Variants in DISP1 observed in about 807,000 individuals in gnomAD.
DISP1 encodes the protein dispatched RND transporter family member 1.
In DISP1, 30 loss-of-function variants were observed where a neutral mutation model predicts 37.3. The ratio of observed to expected loss-of-function variants is 0.80; its 90% CI spans 0.60 to 1.09. The LOEUF (loss-of-function observed/expected upper bound fraction) is 1.09. DISP1 is among the 50% of genes least tolerant of loss of function. The pLI is 0.00. For synonymous variants in DISP1, 634 were observed against 690.2 expected (o/e 0.92, Z 1.28); for missense variants, 1,598 against 1,879.5 (o/e 0.85, Z 2.77).
chr1:222,980,080 G>A (rs1322541890), intron 3 of DISP1, among the ~76,000 whole-genome samples: 1 of 152,158 alleles, frequency 6.6e-6, no homozygotes, highest in Admixed American at 6.5e-5. Context: ...ATTTAGTTGT[G>A]TATTGTAGTC....
At chr1:222,951,483 T>C (rs1675219744) in intron 3 of DISP1, among the ~76,000 whole-genome samples, 1 of 58,122 alleles carries the variant, frequency 1.7e-5, no homozygotes, top group Admixed American at 1.7e-4. Flanking sequence ...TCCCCTCTCC[T>C]TAGCCCTGGT....
intron 1 of DISP1, among the ~76,000 whole-genome samples, chr1:222,853,473 C>T (rs1251064465): frequency 2.0e-5 from 3 of 151,998 alleles, no homozygotes; most frequent in South Asian, 2.1e-4. Context: ...TCACAATAGC[C>T]AAAATATGGA....
At chr1:222,831,833 T>C (rs866985850) in intron 1 of DISP1, among the ~76,000 whole-genome samples, 1 of 152,106 alleles carries the variant, frequency 6.6e-6, no homozygotes, top group South Asian at 2.1e-4. Context: ...AAAGATAAGA[T>C]TGGGGCTAGG....
At chr1:222,873,001 A>G (rs1245686174) in intron 1 of DISP1, among the ~76,000 whole-genome samples, 2 of 152,174 alleles carry the variant, frequency 1.3e-5, no homozygotes, top group Non-Finnish European at 2.9e-5. Context: ...TTCAAAGAAC[A>G]TCTTTATTTC....
chr1:222,821,760 T>C (rs1439593891), intron 1 of DISP1, among the ~76,000 whole-genome samples: 1 of 151,252 alleles, frequency 6.6e-6, no homozygotes, highest in Non-Finnish European at 1.5e-5. Flanking sequence ...GCACCTGTAA[T>C]CCCAGCTACT....
At chr1:222,866,151 T>TG (rs1319773684) in intron 1 of DISP1, among the ~76,000 whole-genome samples, 2 of 152,190 alleles carry the variant, frequency 1.3e-5, no homozygotes, top group East Asian at 3.9e-4. Flanking sequence ...GAGGAACTGT[T>TG]GGGGTACTCT....
At chr1:222,855,795 A>G (rs1325290919) in intron 1 of DISP1, among the ~76,000 whole-genome samples, 2 of 152,112 alleles carry the variant, frequency 1.3e-5, no homozygotes, top group Non-Finnish European at 2.9e-5. Context: ...TTTTAAGAGT[A>G]CTATAATTTA....
intron 1 of DISP1, among the ~76,000 whole-genome samples, chr1:222,857,946 G>A (rs542165572): frequency 6.1e-4 from 93 of 152,120 alleles, no homozygotes; most frequent in Non-Finnish European, 1.1e-3. Flanking sequence ...AATTTGTATG[G>A]AACCAAAAAA....
chr1:222,928,217 A>G (rs1673191251), intron 1 of DISP1, among the ~76,000 whole-genome samples: 1 of 152,222 alleles, frequency 6.6e-6, no homozygotes, highest in Admixed American at 6.5e-5. Context: ...AAGCAGGAAA[A>G]GGCTAGAAAT....
At chr1:222,963,073 A>T (rs1258243905) in intron 3 of DISP1, among the ~76,000 whole-genome samples, 5 of 152,210 alleles carry the variant, frequency 3.3e-5, no homozygotes, top group Non-Finnish European at 5.9e-5. Flanking sequence ...GAACTTAAAC[A>T]AATTTATAAG....
At chr1:222,867,257 ATT>A (rs1669246257) in intron 1 of DISP1, among the ~76,000 whole-genome samples, 1 of 152,192 alleles carries the variant, frequency 6.6e-6, no homozygotes, top group South Asian at 2.1e-4. Context: ...AAAAGAAATC[ATT>A]TTTATTGTTT....
chr1:222,894,941 G>C (rs542807267), intron 1 of DISP1, among the ~76,000 whole-genome samples: 4 of 152,276 alleles, frequency 2.6e-5, no homozygotes, highest in South Asian at 2.1e-4. Context: ...TAAAGATTTA[G>C]AAACACCACC....
intron 3 of DISP1, among the ~76,000 whole-genome samples, chr1:222,976,551 C>G (rs1271907700): frequency 1.3e-5 from 2 of 151,954 alleles, no homozygotes; most frequent in Non-Finnish European, 2.9e-5. Flanking sequence ...GTGGTAACCT[C>G]AATTTTTCTT....
chr1:222,934,690 A>C (rs1338429102), intron 2 of DISP1, among the ~76,000 whole-genome samples: 2 of 152,152 alleles, frequency 1.3e-5, no homozygotes, highest in African/African-American at 4.8e-5. Context: ...GAAAGACTTA[A>C]GGTCTCTTTA....
chr1:222,937,712 A>G (rs1359494886), intron 2 of DISP1, among the ~76,000 whole-genome samples: 1 of 150,720 alleles, frequency 6.6e-6, no homozygotes, highest in Non-Finnish European at 1.5e-5. Context: ...TTGGCATGTT[A>G]TATTCATGAA....
intron 1 of DISP1, among the ~76,000 whole-genome samples, chr1:222,876,998 C>G (rs946986038): frequency 6.6e-6 from 1 of 152,130 alleles, no homozygotes; most frequent in African/African-American, 2.4e-5. Flanking sequence ...AATATATGAA[C>G]ATGTTGTGAA....
At chr1:222,907,055 G>A (rs542839842) in intron 1 of DISP1, among the ~76,000 whole-genome samples, 1 of 152,312 alleles carries the variant, frequency 6.6e-6, no homozygotes, top group Non-Finnish European at 1.5e-5. Flanking sequence ...TTGAATGAAT[G>A]AATGAGTAAA....
At chr1:222,890,504 A>C (rs557480223) in intron 1 of DISP1, among the ~76,000 whole-genome samples, 10 of 152,298 alleles carry the variant, frequency 6.6e-5, no homozygotes, top group Non-Finnish European at 5.9e-5. Context: ...AAGGAAAAGC[A>C]ATGAGTGTTT....
Position 223,004,617 on chromosome 1 carries a change from TTC to T in DISP1, c.3226_3227del (p.Leu1076GlufsTer71), listed in dbSNP as rs1309160710. The part of the protein sequence containing the change: ...PDPDREGKVI[F>X]SLSRVGSAMA... ...TCCCGACCGAGAAGGCAAAGTGATC[TTC>T]TCTCTGAGTCGCGTGGGCTCTGCGA... On this transcript the variant is annotated frameshift_variant, in exon 9 of 9. Transcript: ENST00000675850. LOFTEE classifies it low-confidence loss of function (END_TRUNC). This position sits in a 1 kb window ranked among gnomAD's most constrained non-coding sequence, Gnocchi z 4.9. 6.2e-7 allele frequency: 1 copy of T among 1,613,902 alleles called. No homozygotes were observed. The highest frequency in any genetic ancestry group is 8.5e-7 in the Non-Finnish European group (1 of 1,179,888).
Sources: allele counts gnomAD v4.1 joint callset (sites outside exome capture counted in the v4.1 genomes callset), GRCh38; gene constraint gnomAD v4.1.1; non-coding constraint Gnocchi (gnomAD v3.1); transcripts MANE v1.5; gene names NCBI Gene and HGNC (gene_info 2026-07-23, HGNC 2026-07-21).